FGF12: variants seen among roughly 807,000 people sequenced by gnomAD.
FGF12 encodes fibroblast growth factor 12B.
A neutral mutation model predicts 23.6 loss-of-function variants in FGF12; 14 were observed. The ratio of observed to expected loss-of-function variants is 0.59; its 90% CI spans 0.39 to 0.93. FGF12 has a LOEUF of 0.93. Among genes scored for constraint, FGF12 ranks in the 40% least tolerant of loss-of-function variants. FGF12 has a pLI of 0.00. For missense variants in FGF12, 175 were observed against 217.8 expected (o/e 0.80, Z 1.24); for synonymous variants, 62 against 77.3 (o/e 0.80, Z 1.04).
intron 2 of FGF12, among the ~76,000 whole-genome samples, chr3:192,718,896 G>C (rs1033815261): frequency 1.3e-5 from 2 of 151,856 alleles, no homozygotes; most frequent in African/African-American, 2.4e-5. Context: ...TAGAAGTTAA[G>C]CCTAAAGAGG....
intron 2 of FGF12, among the ~76,000 whole-genome samples, chr3:192,544,599 A>G (rs1414002456): frequency 6.6e-6 from 1 of 152,230 alleles, no homozygotes; most frequent in Non-Finnish European, 1.5e-5. Context: ...TATCCAAAAG[A>G]GCTATTTAAC....
chr3:192,443,846 G>A (rs112175847), intron 2 of FGF12, among the ~76,000 whole-genome samples: 31 of 152,300 alleles, frequency 2.0e-4, no homozygotes, highest in African/African-American at 6.5e-4. Flanking sequence ...ACAAGGTTCT[G>A]TAGCTTATGG....
At chr3:192,218,960 G>C (rs76366518) in intron 4 of FGF12, among the ~76,000 whole-genome samples, 5,481 of 152,242 alleles carry the variant, frequency 0.036, 324 homozygotes, top group African/African-American at 0.13. Flanking sequence ...GTGACCCCTA[G>C]CTAGATGTTG....
chr3:192,547,404 C>G (rs1445213166), intron 2 of FGF12, among the ~76,000 whole-genome samples: 1 of 152,192 alleles, frequency 6.6e-6, no homozygotes. Context: ...CTCAAGTTCA[C>G]CATTTTCTTT....
At chr3:192,713,590 T>C (rs915084951) in intron 2 of FGF12, among the ~76,000 whole-genome samples, 1 of 152,174 alleles carries the variant, frequency 6.6e-6, no homozygotes, top group Non-Finnish European at 1.5e-5. Context: ...CATCCTCCCA[T>C]CTTTACTAAG....
intron 2 of FGF12, among the ~76,000 whole-genome samples, chr3:192,491,374 A>G (rs918104179): frequency 1.3e-5 from 2 of 152,152 alleles, no homozygotes; most frequent in African/African-American, 4.8e-5. Flanking sequence ...GCTTTCTATA[A>G]AACATAGGTA....
rs75752649 is a variant in FGF12, at chr3:192,217,443, A to G, written c.229-46787T>C. 3.8e-3 allele frequency among the ~76,000 whole-genome samples: 582 copies of G among 152,298 alleles called. 5 individuals carry two copies. The highest frequency in any genetic ancestry group is 0.013 in the African/African-American group (548 of 41,562). On this transcript the variant is annotated intron_variant, in intron 4 of 5. Transcript: ENST00000445105. Reference sequence around the variant, plus strand: ...CAAAGAGGTCTAATCCAGGGGAAGAAGTGGGCACAAGAGTTTGACTCTATT... The same window carrying G: ...CAAAGAGGTCTAATCCAGGGGAAGAGGTGGGCACAAGAGTTTGACTCTATT...
intron 4 of FGF12, among the ~76,000 whole-genome samples, chr3:192,207,991 C>A (rs1336250124): frequency 6.6e-6 from 1 of 152,120 alleles, no homozygotes; most frequent in African/African-American, 2.4e-5. Context: ...CAGAAACATT[C>A]TCTGCTTCAT....
At chr3:192,633,274 G>A (rs1715457351) in intron 2 of FGF12, among the ~76,000 whole-genome samples, 1 of 152,026 alleles carries the variant, frequency 6.6e-6, no homozygotes, top group African/African-American at 2.4e-5. Context: ...TTGAATTCCT[G>A]ACCTCAAGTG....
chr3:192,502,107 G>C (rs1447809177), intron 2 of FGF12, among the ~76,000 whole-genome samples: 4 of 152,080 alleles, frequency 2.6e-5, no homozygotes, highest in African/African-American at 9.7e-5. Flanking sequence ...ATTTTCCCTT[G>C]TCCTAGAAAT....
At chr3:192,545,884 G>A (rs1463562613) in intron 2 of FGF12, among the ~76,000 whole-genome samples, 2 of 150,844 alleles carry the variant, frequency 1.3e-5, no homozygotes, top group Admixed American at 6.6e-5. Flanking sequence ...CACTCTCTAA[G>A]ACAAATTAGA....
chr3:192,207,243 A>G (rs1263895565), intron 4 of FGF12, among the ~76,000 whole-genome samples: 1 of 152,210 alleles, frequency 6.6e-6, no homozygotes, highest in African/African-American at 2.4e-5. Flanking sequence ...GATTTAGTAA[A>G]CATCCAAATG....
At chr3:192,681,901 G>C (rs1267843024) in intron 2 of FGF12, among the ~76,000 whole-genome samples, 1 of 152,032 alleles carries the variant, frequency 6.6e-6, no homozygotes, top group Non-Finnish European at 1.5e-5. Context: ...TTAAAAATTT[G>C]TGCCCCAAGA....
chr3:192,292,694 C>T (rs1577325733), intron 4 of FGF12, among the ~76,000 whole-genome samples: 1 of 152,166 alleles, frequency 6.6e-6, no homozygotes, highest in African/African-American at 2.4e-5. Flanking sequence ...CTGACTGGCT[C>T]ACTTTCTATC....
chr3:192,590,874 G>C (rs187559091), intron 2 of FGF12, among the ~76,000 whole-genome samples: 1 of 151,950 alleles, frequency 6.6e-6, no homozygotes, highest in East Asian at 1.9e-4. Context: ...CCACAGTGAT[G>C]ACCTGATAGC....
intron 2 of FGF12, among the ~76,000 whole-genome samples, chr3:192,484,023 A>G (rs1723554514): frequency 6.6e-6 from 1 of 152,162 alleles, no homozygotes; most frequent in South Asian, 2.1e-4. Context: ...GTAGGATATT[A>G]AAGGTAAATC....
intron 4 of FGF12, among the ~76,000 whole-genome samples, chr3:192,326,912 T>C (rs1484236646): frequency 2.0e-5 from 3 of 152,192 alleles, no homozygotes; most frequent in South Asian, 2.1e-4. Context: ...TCAGCAATAA[T>C]AGAGTTATTG....
intron 2 of FGF12, among the ~76,000 whole-genome samples, chr3:192,581,659 G>A (rs116038837): frequency 0.016 from 2,504 of 151,900 alleles, 77 homozygotes; most frequent in African/African-American, 0.057. Context: ...ACTCTTTGTG[G>A]ACTTTGAAGA....
rs1325095002 is a variant in FGF12, at chr3:192,158,382, C to CTTTCTT, written c.427+12075_427+12076insAAGAAA. ...TCTTTCTTTCTTTCTTTCTTTCTTTCTTTTCTTTCTCTCTCTTTCTTTTTC... is the reference window on the plus strand; with the variant it reads ...TCTTTCTTTCTTTCTTTCTTTCTTTCTTTCTTTTTTCTTTCTCTCTCTTTCTTTTTC... On this transcript the variant is annotated intron_variant, in intron 5 of 5. Transcript: ENST00000445105. Among the ~76,000 whole-genome samples, 131 of 81,532 alleles carry CTTTCTT rather than the reference C, an allele frequency of 1.6e-3. 4 individuals are homozygous for CTTTCTT. The highest frequency in any genetic ancestry group is 7.3e-3 in the African/African-American group (127 of 17,508). 53.5% of individuals were successfully genotyped at this position (81,532 alleles called of 152,430 possible). A position where few individuals can be genotyped will look rare whatever the true frequency, so the allele number is the denominator to read the frequency against.
Sources: allele counts gnomAD v4.1 joint callset (sites outside exome capture counted in the v4.1 genomes callset), GRCh38; gene constraint gnomAD v4.1.1; transcripts MANE v1.5; gene names NCBI Gene and HGNC (gene_info 2026-07-23, HGNC 2026-07-21).